MARCHF1: variants seen among roughly 807,000 people sequenced by gnomAD.
MARCHF1 encodes membrane associated ring-CH-type finger 1.
A neutral mutation model predicts 54.2 loss-of-function variants in MARCHF1; 40 were observed. That is an observed-to-expected ratio of 0.74 (90% CI 0.57 to 0.96). The LOEUF (loss-of-function observed/expected upper bound fraction) is 0.96. MARCHF1 is among the 40% of genes least tolerant of loss of function. The pLI, the probability that MARCHF1 is intolerant of heterozygous loss-of-function variation, is 0.00. For missense variants in MARCHF1, 586 were observed against 656.5 expected (o/e 0.89, Z 1.17); for synonymous variants, 236 against 236.3 (o/e 1.00, Z 0.01).
chr4:163,795,136 T>C (rs1449992193), intron 4 of MARCHF1, among the ~76,000 whole-genome samples: 1 of 152,242 alleles, frequency 6.6e-6, no homozygotes, highest in Non-Finnish European at 1.5e-5. Context: ...TCACATTTAG[T>C]CTTCTTTCAG....
intron 3 of MARCHF1, among the ~76,000 whole-genome samples, chr4:163,978,350 T>G (rs1752688931): frequency 6.6e-6 from 1 of 152,212 alleles, no homozygotes; most frequent in African/African-American, 2.4e-5. Context: ...AATAATAAAA[T>G]ATGTTGAGGA....
intron 3 of MARCHF1, among the ~76,000 whole-genome samples, chr4:163,940,902 G>A (rs182638923): frequency 2.0e-5 from 3 of 152,190 alleles, no homozygotes; most frequent in East Asian, 3.9e-4. Flanking sequence ...TTGGATCAGA[G>A]TAAACTCTCA....
intron 4 of MARCHF1, among the ~76,000 whole-genome samples, chr4:163,811,899 G>A (rs1748398296): frequency 6.6e-6 from 1 of 152,150 alleles, no homozygotes; most frequent in South Asian, 2.1e-4. Flanking sequence ...ATTTCTGAGT[G>A]TGTCTGCAGA....
intron 8 of MARCHF1, among the ~76,000 whole-genome samples, chr4:163,572,593 A>T (rs189276327): frequency 3.0e-4 from 45 of 152,278 alleles, no homozygotes; most frequent in Admixed American, 2.7e-3. Context: ...ATGATTTTAA[A>T]ATACTTATCA....
intron 1 of MARCHF1, among the ~76,000 whole-genome samples, chr4:164,325,133 T>C (rs573886706): frequency 6.6e-6 from 1 of 151,778 alleles, no homozygotes; most frequent in Non-Finnish European, 1.5e-5. Context: ...AATAAGTCTA[T>C]ATTAAATGTA....
intron 3 of MARCHF1, among the ~76,000 whole-genome samples, chr4:163,866,660 G>C (rs1395744541): frequency 6.6e-6 from 1 of 151,570 alleles, no homozygotes; most frequent in African/African-American, 2.4e-5. Context: ...ATACTAGCCA[G>C]AAGCCCAGAG....
chr4:163,634,078 A>C (rs1438292609), intron 5 of MARCHF1, among the ~76,000 whole-genome samples: 1 of 152,196 alleles, frequency 6.6e-6, no homozygotes, highest in Non-Finnish European at 1.5e-5. Flanking sequence ...GCCTGCCCTA[A>C]AAGAGCTCCT....
chr4:164,329,747 A>G (rs7665034), intron 1 of MARCHF1, among the ~76,000 whole-genome samples: 22,098 of 152,134 alleles, frequency 0.15, 2,465 homozygotes, highest in East Asian at 0.42. Flanking sequence ...GAGAGTGGAC[A>G]GGGAGGTGCC....
chr4:163,705,857 G>C (rs563391119), intron 4 of MARCHF1, among the ~76,000 whole-genome samples: 1 of 151,888 alleles, frequency 6.6e-6, no homozygotes, highest in Non-Finnish European at 1.5e-5. Context: ...AAAAGGTGTT[G>C]AAAAAGAAGC....
At chr4:163,830,405 C>T (rs1464258042) in intron 4 of MARCHF1, among the ~76,000 whole-genome samples, 1 of 152,098 alleles carries the variant, frequency 6.6e-6, no homozygotes, top group African/African-American at 2.4e-5. Context: ...AGGCAACTCT[C>T]TACCTGAAAC....
At chr4:163,864,526 C>T (rs911220905) in intron 3 of MARCHF1, among the ~76,000 whole-genome samples, 8 of 151,868 alleles carry the variant, frequency 5.3e-5, no homozygotes, top group Admixed American at 1.3e-4. Context: ...GAAAAAAATA[C>T]GAATGAAGTT....
At chr4:163,931,272 GCTGA>G (rs1751667745) in intron 3 of MARCHF1, among the ~76,000 whole-genome samples, 1 of 152,234 alleles carries the variant, frequency 6.6e-6, no homozygotes, top group East Asian at 1.9e-4. Flanking sequence ...GGCAGCCTGA[GCTGA>G]CTAAGTGTTT....
At chr4:163,727,681 T>C (rs1199152141) in intron 4 of MARCHF1, among the ~76,000 whole-genome samples, 1 of 152,118 alleles carries the variant, frequency 6.6e-6, no homozygotes, top group East Asian at 1.9e-4. Context: ...GTTTTCTTTT[T>C]TTTTTCTTTG....
intron 9 of MARCHF1, among the ~76,000 whole-genome samples, chr4:163,536,812 C>T (rs1486911074): frequency 6.6e-6 from 1 of 152,074 alleles, no homozygotes; most frequent in Non-Finnish European, 1.5e-5. Context: ...AGCCTGATCC[C>T]TCCACTTTCC....
At chr4:164,229,688 G>A (rs115653700) in intron 1 of MARCHF1, among the ~76,000 whole-genome samples, 323 of 152,224 alleles carry the variant, frequency 2.1e-3, no homozygotes, top group Middle Eastern at 0.02. Flanking sequence ...TCATCTGGTT[G>A]GTTTCTGGGG....
chr4:163,780,126 G>T (rs964104631), intron 4 of MARCHF1, among the ~76,000 whole-genome samples: 2 of 152,146 alleles, frequency 1.3e-5, no homozygotes, highest in Admixed American at 1.3e-4. Context: ...TTTTCCTAAA[G>T]ACAGGTGAAA....
intron 1 of MARCHF1, among the ~76,000 whole-genome samples, chr4:164,372,234 C>A (rs1731055883): frequency 6.6e-6 from 1 of 152,150 alleles, no homozygotes; most frequent in African/African-American, 2.4e-5. Flanking sequence ...GCAAATGACA[C>A]TGCCATAAAT....
At chr4:163,551,694 T>C (rs1477077570) in intron 8 of MARCHF1, among the ~76,000 whole-genome samples, 4 of 152,210 alleles carry the variant, frequency 2.6e-5, no homozygotes, top group African/African-American at 7.2e-5. Context: ...CCAAATGTTA[T>C]GAGAAGGACC....
chr4:164,283,089 G>A (rs1198974849), intron 1 of MARCHF1, among the ~76,000 whole-genome samples: 3 of 151,208 alleles, frequency 2.0e-5, no homozygotes, highest in Non-Finnish European at 4.4e-5. Flanking sequence ...ACATGATAGT[G>A]TAGTTTTCAA....
Sources: allele counts gnomAD v4.1 joint callset (sites outside exome capture counted in the v4.1 genomes callset), GRCh38; gene constraint gnomAD v4.1.1; transcripts MANE v1.5; gene names NCBI Gene and HGNC (gene_info 2026-07-23, HGNC 2026-07-21).